Variants in IQSEC1 observed in about 807,000 individuals in gnomAD.
IQSEC1 encodes IQ motif and SEC7 domain-containing protein 1.
In IQSEC1, 31 loss-of-function variants were observed where a neutral mutation model predicts 91.0. The ratio of observed to expected loss-of-function variants is 0.34; its 90% confidence interval spans 0.26 to 0.46. The LOEUF is 0.46. IQSEC1 is among the 20% of genes least tolerant of loss of function. IQSEC1 has a pLI of 1.00. For synonymous variants in IQSEC1, 699 were observed against 662.6 expected (o/e 1.05, Z -0.84); for missense variants, 1,388 against 1,575.6 (o/e 0.88, Z 2.02).
chr3:13,232,177 C>T (rs773668417), intron 1 of IQSEC1, among the ~76,000 whole-genome samples: 5 of 152,202 alleles, frequency 3.3e-5, no homozygotes, highest in Non-Finnish European at 5.9e-5. Context: ...AAGGGAGTTG[C>T]GAAGTGTTTG....
intron 1 of IQSEC1, among the ~76,000 whole-genome samples, chr3:12,956,978 T>C (rs893587259): frequency 2.0e-5 from 3 of 152,206 alleles, no homozygotes; most frequent in Non-Finnish European, 4.4e-5. Context: ...CTCTGTGCCA[T>C]CAGCCAGAGA....
chr3:13,156,272 CA>C (rs1407409584), intron 2 of IQSEC1, among the ~76,000 whole-genome samples: 3 of 151,946 alleles, frequency 2.0e-5, no homozygotes, highest in East Asian at 1.9e-4. Context: ...AAAATAAAAA[CA>C]CTAAACAAAA....
At chr3:13,246,384 G>C (rs1221238120) in intron 1 of IQSEC1, among the ~76,000 whole-genome samples, 1 of 152,226 alleles carries the variant, frequency 6.6e-6, no homozygotes, top group African/African-American at 2.4e-5. Context: ...TGTTTCATGG[G>C]AACAGAGGCT....
chr3:13,060,297 G>A (rs1411613172), intron 1 of IQSEC1, among the ~76,000 whole-genome samples: 1 of 152,330 alleles, frequency 6.6e-6, no homozygotes, highest in East Asian at 1.9e-4. Flanking sequence ...AGAGGAGGCA[G>A]ATGTGGCTGA....
chr3:13,053,801 TC>T (rs1305253131), intron 1 of IQSEC1, among the ~76,000 whole-genome samples: 2 of 152,106 alleles, frequency 1.3e-5, no homozygotes, highest in Non-Finnish European at 2.9e-5. Context: ...TGTTCCACTG[TC>T]CCCCTCCCTC....
At chr3:12,915,451 A>G in intron 7 of IQSEC1, 143 bp downstream of exon 7, 1 of 868,656 alleles carries the variant, frequency 1.2e-6, no homozygotes, top group Admixed American at 2.7e-5. Flanking sequence ...GAGACACTCG[A>G]AAAAACCCCA....
intron 1 of IQSEC1, chr3:12,960,130 T>C (rs141854159): frequency 3.3e-5 from 5 of 152,162 alleles, no homozygotes; most frequent in African/African-American, 7.2e-5. Context: ...CTGGAGAGAA[T>C]AGCAGTGCAG....
intron 2 of IQSEC1, among the ~76,000 whole-genome samples, chr3:13,143,345 G>C (rs2124942374): frequency 6.6e-6 from 1 of 152,324 alleles, no homozygotes; most frequent in East Asian, 1.9e-4. Context: ...GGTGAAATGG[G>C]GCCTGGGGAG....
In IQSEC1 at chr3:13,216,534, C is replaced by G. The variant is rs9990093; in HGVS notation, c.273-52401G>C. Among the ~76,000 whole-genome samples, 682 of 152,314 alleles carry G rather than the reference C, an allele frequency of 4.5e-3. 3 individuals carry two copies. The highest frequency in any genetic ancestry group is 0.015 in the African/African-American group (617 of 41,576). On this transcript the variant is annotated intron_variant, in intron 1 of 15. Transcript: ENST00000648114. The stretch of plus-strand genomic sequence containing the variant: ...CTAAGGGATGAGAGGGAGCAGTCAC[C>G]TGAACCCAAAGGGATTGCAGAGGGG...
chr3:13,028,078 G>A (rs979369550), intron 1 of IQSEC1, among the ~76,000 whole-genome samples: 1 of 152,214 alleles, frequency 6.6e-6, no homozygotes. Flanking sequence ...AGAGACGCCT[G>A]TGGCCCCTCA....
chr3:12,968,450 G>A (rs981955659), intron 1 of IQSEC1, among the ~76,000 whole-genome samples: 6 of 152,084 alleles, frequency 3.9e-5, no homozygotes, highest in African/African-American at 1.5e-4. Flanking sequence ...TTTAGTGATA[G>A]TTGGCCTTCA....
At chr3:13,194,212 G>A (rs1273677034) in intron 1 of IQSEC1, among the ~76,000 whole-genome samples, 2 of 152,166 alleles carry the variant, frequency 1.3e-5, no homozygotes, top group African/African-American at 4.8e-5. Context: ...CTATGAATTT[G>A]GGGGTGTGTA....
Position 12,922,074 on chromosome 3 carries a change from C to T in IQSEC1, c.1853+46G>A. 6.6e-7 allele frequency: 1 copy of T among 1,524,744 alleles called. No homozygotes were observed. The highest frequency in any genetic ancestry group is 2.4e-5 in the East Asian group (1 of 41,640). The allele number at this position is 1,524,744 out of a possible 1,614,324, so 94.5% of individuals were successfully genotyped here. On this transcript the variant is annotated intron_variant, in intron 5 of 13. Coordinates refer to ENST00000613206, the MANE Select transcript of IQSEC1 (RefSeq NM_001134382.3). The surrounding 1 kb of genome is among the most constrained non-coding windows in gnomAD (Gnocchi z 5.1). ...ATCCTCGGGCCCTGAAGCTGGGGGA[C>T]ACCATTCTTCCCTGATGCAGCAGCC...
intron 1 of IQSEC1, chr3:13,022,667 T>C (rs360850): frequency 0.88 from 137,919 of 157,574 alleles, 60,583 homozygotes; most frequent in South Asian, 0.96. Flanking sequence ...ACTCCCGCCC[T>C]GCAGCCCAAA....
intron 9 of IQSEC1, 67 bp downstream of exon 9, chr3:12,913,361 G>T: frequency 6.7e-7 from 1 of 1,496,236 alleles, no homozygotes; most frequent in Non-Finnish European, 9.0e-7. Context: ...CACGCAGACA[G>T]CCAGACATGG....
intron 1 of IQSEC1, among the ~76,000 whole-genome samples, chr3:13,228,261 A>T (rs1012546280): frequency 3.3e-5 from 5 of 152,144 alleles, no homozygotes; most frequent in Non-Finnish European, 7.4e-5. Flanking sequence ...CTGTACTAAG[A>T]ACGTGCCAGA....
chr3:13,105,226 T>C (rs996806364), intron 2 of IQSEC1, among the ~76,000 whole-genome samples: 1 of 152,096 alleles, frequency 6.6e-6, no homozygotes, highest in Non-Finnish European at 1.5e-5. Context: ...GCACTGTTCC[T>C]CTAGGAAGTG....
At chr3:13,253,408 C>A (rs776757254) in intron 1 of IQSEC1, among the ~76,000 whole-genome samples, 7 of 152,134 alleles carry the variant, frequency 4.6e-5, no homozygotes, top group Non-Finnish European at 7.3e-5. Context: ...ATCATCCCCA[C>A]CCGAGGCAGC....
At chr3:13,254,942 C>T (rs540174774) in intron 1 of IQSEC1, among the ~76,000 whole-genome samples, 1 of 152,342 alleles carries the variant, frequency 6.6e-6, no homozygotes, top group Admixed American at 6.5e-5. Flanking sequence ...GCTTCCCCAG[C>T]ATCCTGACAA....
Sources: allele counts gnomAD v4.1 joint callset (sites outside exome capture counted in the v4.1 genomes callset), GRCh38; gene constraint gnomAD v4.1.1; non-coding constraint Gnocchi (gnomAD v3.1); transcripts MANE v1.5; gene names NCBI Gene and HGNC (gene_info 2026-07-23, HGNC 2026-07-21).